The following GRIA1 variants were observed in gnomAD, a reference collection of about 807,000 sequenced individuals.
The protein encoded by GRIA1 is glutamate ionotropic receptor AMPA type subunit 1.
GRIA1 carries 31 observed loss-of-function variants against 99.2 expected under a neutral mutation model. That is an observed-to-expected ratio of 0.31 (90% CI 0.23 to 0.42). The LOEUF (loss-of-function observed/expected upper bound fraction) is 0.42. Ranked by LOEUF, GRIA1 falls within the 10% of genes least tolerant of loss-of-function variation. The probability of loss-of-function intolerance (pLI) is 1.00; values close to 1 mark genes in which losing one functional copy is unlikely to be tolerated. For missense variants in GRIA1, 782 were observed against 1,157.5 expected (o/e 0.68, Z 4.71); for synonymous variants, 438 against 432.4 (o/e 1.01, Z -0.16).
At chr5:153,748,796 G>A (rs1193229212) in intron 11 of GRIA1, among the ~76,000 whole-genome samples, 2 of 152,142 alleles carry the variant, frequency 1.3e-5, no homozygotes. Context: ...AAATGGAGAA[G>A]AATGAGTCTT....
At chr5:153,663,561 G>T (rs988591932) in intron 5 of GRIA1, among the ~76,000 whole-genome samples, 1 of 152,196 alleles carries the variant, frequency 6.6e-6, no homozygotes, top group African/African-American at 2.4e-5. Context: ...ATAAGATAAA[G>T]ATAAAATGAG....
intron 8 of GRIA1, among the ~76,000 whole-genome samples, chr5:153,693,513 A>G (rs1423561616): frequency 6.6e-6 from 1 of 152,184 alleles, no homozygotes; most frequent in East Asian, 1.9e-4. Flanking sequence ...CAATTTCTGA[A>G]TTTGATTTGA....
chr5:153,554,489 T>C (rs1760442370), intron 2 of GRIA1, among the ~76,000 whole-genome samples: 1 of 152,086 alleles, frequency 6.6e-6, no homozygotes, highest in South Asian at 2.1e-4. Flanking sequence ...TTTTTGTTGT[T>C]GTTGCTGCTT....
At chr5:153,613,586 C>T (rs1766197042) in intron 2 of GRIA1, among the ~76,000 whole-genome samples, 1 of 151,870 alleles carries the variant, frequency 6.6e-6, no homozygotes, top group African/African-American at 2.4e-5. Context: ...TCTTTTTTTC[C>T]CTCTCTTCCT....
At chr5:153,585,107 G>C (rs77976523) in intron 2 of GRIA1, among the ~76,000 whole-genome samples, 20,969 of 151,920 alleles carry the variant, frequency 0.14, 1,514 homozygotes, top group African/African-American at 0.18. Flanking sequence ...CACTTCTTAG[G>C]TGCTGGGTAC....
intron 5 of GRIA1, among the ~76,000 whole-genome samples, chr5:153,671,389 G>A (rs1410565228): frequency 6.6e-6 from 1 of 152,166 alleles, no homozygotes; most frequent in East Asian, 1.9e-4. Context: ...AAGTCTCTAA[G>A]AACTATGAGA....
At chr5:153,745,944 A>G (rs1173569586) in intron 11 of GRIA1, among the ~76,000 whole-genome samples, 1 of 152,168 alleles carries the variant, frequency 6.6e-6, no homozygotes, top group African/African-American at 2.4e-5. Context: ...ACTTGTCCAG[A>G]TAAGCACATT....
chr5:153,677,376 T>C (rs191388029), intron 7 of GRIA1, among the ~76,000 whole-genome samples: 2 of 152,302 alleles, frequency 1.3e-5, no homozygotes, highest in African/African-American at 4.8e-5. Flanking sequence ...GTGTAAAAGC[T>C]GTATTTTCTC....
chr5:153,593,266 C>CA (rs1287919470), intron 2 of GRIA1, among the ~76,000 whole-genome samples: 3 of 151,860 alleles, frequency 2.0e-5, no homozygotes, highest in African/African-American at 7.3e-5. Context: ...AATTCCATCT[C>CA]AAAAAAATAA....
rs1166017768 is a variant in GRIA1, at chr5:153,811,443, G to C, written c.*218G>C. The C allele has an allele frequency of 2.1e-5, 11 of 520,882 alleles. No individual in the cohort carries two copies. In the Admixed American group the frequency reaches 3.5e-4, roughly 17 times the overall value. The allele number at this position is 520,882 out of a possible 1,614,324, so 32.3% of individuals were successfully genotyped here. On this transcript the variant is annotated 3_prime_UTR_variant, in exon 16 of 16. Coordinates refer to ENST00000285900, the MANE Select transcript of GRIA1 (RefSeq NM_000827.4). ...TCTTTCACCCTTTTCTGTTTGCTAA[G>C]TGAGGATGAAAAAATAACACTGTAC...
chr5:153,495,684 T>C (rs1278120502), intron 2 of GRIA1, among the ~76,000 whole-genome samples: 1 of 152,258 alleles, frequency 6.6e-6, no homozygotes, highest in Non-Finnish European at 1.5e-5. Context: ...TCTTATCTAC[T>C]GTGTTACTCA....
At chr5:153,575,993 C>T (rs1278293126) in intron 2 of GRIA1, among the ~76,000 whole-genome samples, 12 of 152,176 alleles carry the variant, frequency 7.9e-5, no homozygotes, top group Non-Finnish European at 1.6e-4. Flanking sequence ...ATTAGGACAA[C>T]ATATTGATTA....
chr5:153,563,712 C>T (rs115523442), intron 2 of GRIA1, among the ~76,000 whole-genome samples: 7,911 of 152,234 alleles, frequency 0.052, 322 homozygotes, highest in South Asian at 0.15. Flanking sequence ...GAAGGAGCAT[C>T]GTATCAAAGA....
At chr5:153,794,078 A>G (rs1190618313) in intron 13 of GRIA1, among the ~76,000 whole-genome samples, 1 of 152,124 alleles carries the variant, frequency 6.6e-6, no homozygotes, top group Non-Finnish European at 1.5e-5. Flanking sequence ...TTGCCTAATT[A>G]TTTCTTTATG....
chr5:153,709,650 G>A (rs942547219), intron 11 of GRIA1, among the ~76,000 whole-genome samples: 7 of 152,266 alleles, frequency 4.6e-5, no homozygotes, highest in Admixed American at 3.9e-4. Context: ...TTTTCTTCTT[G>A]TTCATAAGAT....
chr5:153,595,997 C>A (rs1452630256), intron 2 of GRIA1, among the ~76,000 whole-genome samples: 1 of 149,452 alleles, frequency 6.7e-6, no homozygotes, highest in African/African-American at 2.5e-5. Context: ...AGGACTATAA[C>A]CTTATTAGGG....
intron 5 of GRIA1, among the ~76,000 whole-genome samples, chr5:153,671,456 T>C (rs1253391716): frequency 6.6e-6 from 1 of 152,238 alleles, no homozygotes; most frequent in African/African-American, 2.4e-5. Flanking sequence ...CTCTCTTAGA[T>C]GGTATAACGT....
intron 2 of GRIA1, among the ~76,000 whole-genome samples, chr5:153,589,619 A>G (rs1236962162): frequency 6.6e-6 from 1 of 152,200 alleles, no homozygotes; most frequent in Non-Finnish European, 1.5e-5. Context: ...TTTGATTTTC[A>G]TAGAAAATAA....
intron 11 of GRIA1, among the ~76,000 whole-genome samples, chr5:153,712,709 C>T (rs1202303399): frequency 6.6e-6 from 1 of 152,130 alleles, no homozygotes; most frequent in Non-Finnish European, 1.5e-5. Context: ...TCATTTAGGC[C>T]ACAGGTTCAT....
Sources: gnomAD v4.1 joint callset for allele counts (sites outside exome capture counted in the v4.1 genomes callset) on GRCh38, gnomAD v4.1.1 for gene constraint, MANE v1.5 for transcripts, NCBI Gene and HGNC (gene_info 2026-07-23, HGNC 2026-07-21) for gene names.